Variants in SLC8A1 observed in about 807,000 individuals in gnomAD.
The protein encoded by SLC8A1 is solute carrier family 8 member A1.
SLC8A1 carries 18 observed loss-of-function variants against 68.3 expected under a neutral mutation model. The ratio of observed to expected loss-of-function variants is 0.26; its 90% CI spans 0.18 to 0.39. SLC8A1 has a LOEUF of 0.39. Among genes scored for constraint, SLC8A1 ranks in the 10% least tolerant of loss-of-function variants. The probability of loss-of-function intolerance (pLI) is 1.00; values close to 1 mark genes in which losing one functional copy is unlikely to be tolerated. For synonymous variants in SLC8A1, 475 were observed against 415.5 expected, an observed-to-expected ratio of 1.14 and a Z score of -1.74; for missense variants, 985 against 1,156.7, an observed-to-expected ratio of 0.85 and a Z score of 2.15.
intron 2 of SLC8A1, among the ~76,000 whole-genome samples, chr2:40,344,805 C>T (rs1254769566): frequency 2.0e-5 from 3 of 152,132 alleles, no homozygotes; most frequent in African/African-American, 7.2e-5. Flanking sequence ...TCTGAATTCC[C>T]AGACTAATCT....
intron 2 of SLC8A1, among the ~76,000 whole-genome samples, chr2:40,324,249 T>C (rs1013351778): frequency 2.6e-5 from 4 of 152,120 alleles, no homozygotes; most frequent in Non-Finnish European, 4.4e-5. Flanking sequence ...GTAGCATGAA[T>C]TGATACTCTA....
At chr2:40,449,670 A>C (rs558464589) in intron 1 of SLC8A1, among the ~76,000 whole-genome samples, 46 of 134,172 alleles carry the variant, frequency 3.4e-4, no homozygotes, top group Middle Eastern at 3.5e-3. Context: ...CTATATAATA[A>C]TATTAAAGTA....
At chr2:40,256,700 T>A (rs921081630) in intron 2 of SLC8A1, among the ~76,000 whole-genome samples, 8 of 151,648 alleles carry the variant, frequency 5.3e-5, no homozygotes, top group African/African-American at 1.7e-4. Flanking sequence ...GAAAAAAAAA[T>A]GTCTTTAGAG....
chr2:40,400,569 C>A (rs1045994545), intron 2 of SLC8A1, among the ~76,000 whole-genome samples: 1 of 152,038 alleles, frequency 6.6e-6, no homozygotes, highest in African/African-American at 2.4e-5. Context: ...TTTCATGGAT[C>A]ACATGAGGAG....
intron 2 of SLC8A1, among the ~76,000 whole-genome samples, chr2:40,206,773 A>T (rs1411218258): frequency 6.6e-6 from 1 of 152,034 alleles, no homozygotes; most frequent in African/African-American, 2.4e-5. Flanking sequence ...GAAGAATCAG[A>T]TATGTTTCTG....
chr2:40,420,249 C>A (rs944914308), intron 2 of SLC8A1, among the ~76,000 whole-genome samples: 1 of 151,924 alleles, frequency 6.6e-6, no homozygotes, highest in Non-Finnish European at 1.5e-5. Context: ...TATTAACCAC[C>A]TCCAGGGTCA....
chr2:40,454,886 G>A (rs1159455956), upstream of SLC8A1, among the ~76,000 whole-genome samples: 1 of 152,242 alleles, frequency 6.6e-6, no homozygotes, highest in Non-Finnish European at 1.5e-5. Context: ...AAAGGAAAAA[G>A]TGAGGCTGCT....
intron 1 of SLC8A1, among the ~76,000 whole-genome samples, chr2:40,442,273 A>AG (rs1700637420): frequency 6.6e-6 from 1 of 151,112 alleles, no homozygotes; most frequent in African/African-American, 2.4e-5. Context: ...CAAAAAAAAA[A>AG]GAAAAAAGAA....
intron 2 of SLC8A1, among the ~76,000 whole-genome samples, chr2:40,339,738 G>T (rs1378218844): frequency 2.0e-5 from 3 of 152,210 alleles, no homozygotes; most frequent in Non-Finnish European, 4.4e-5. Flanking sequence ...AAGGGAGTAT[G>T]AGTTGGGCAT....
intron 2 of SLC8A1, chr2:40,213,190 T>C (rs889250607): frequency 6.6e-6 from 1 of 152,160 alleles, no homozygotes; most frequent in Non-Finnish European, 1.5e-5. Flanking sequence ...CTGTTCCCAG[T>C]GATATGAGTA....
At chr2:40,118,809 G>A (rs1244418489) in intron 7 of SLC8A1, among the ~76,000 whole-genome samples, 1 of 151,732 alleles carries the variant, frequency 6.6e-6, no homozygotes, top group Non-Finnish European at 1.5e-5. Flanking sequence ...CAGTTGCGGG[G>A]GTGGTAATTC....
At chr2:40,352,370 C>A (rs1299634112) in intron 2 of SLC8A1, among the ~76,000 whole-genome samples, 1 of 152,102 alleles carries the variant, frequency 6.6e-6, no homozygotes, top group Non-Finnish European at 1.5e-5. Flanking sequence ...TGATTTCAAC[C>A]AATGTCTCAA....
intron 2 of SLC8A1, among the ~76,000 whole-genome samples, chr2:40,312,953 C>T (rs1456492511): frequency 1.3e-5 from 2 of 151,954 alleles, no homozygotes; most frequent in Non-Finnish European, 2.9e-5. Flanking sequence ...GAAATACATA[C>T]ACACATATGT....
At chr2:40,375,015 G>T (rs576165144) in intron 2 of SLC8A1, among the ~76,000 whole-genome samples, 1 of 152,098 alleles carries the variant, frequency 6.6e-6, no homozygotes, top group African/African-American at 2.4e-5. Flanking sequence ...TCCATGGAGA[G>T]CTCTCTACCT....
chr2:40,464,102 C>G (rs1386366128), intron 1 of SLC8A1, among the ~76,000 whole-genome samples: 1 of 152,062 alleles, frequency 6.6e-6, no homozygotes, highest in African/African-American at 2.4e-5. Context: ...ACCATATTGA[C>G]TAGGCTGGTC....
exon 6 of SLC8A1, chr2:40,160,847 G>A (rs762840938): frequency 1.2e-6 from 2 of 1,612,840 alleles, no homozygotes; most frequent in Non-Finnish European, 8.5e-7. Context: ...TCTTCTTAAT[G>A]AGTTTGTCCA....
intron 2 of SLC8A1, among the ~76,000 whole-genome samples, chr2:40,258,315 G>A (rs1477729397): frequency 6.6e-6 from 1 of 152,200 alleles, no homozygotes; most frequent in Non-Finnish European, 1.5e-5. Flanking sequence ...CATGCCAAGA[G>A]CAAGAACAAA....
chr2:40,178,612 CT>C, intron 2 of SLC8A1, 119 bp from the exon 3 acceptor site: 1 of 802,418 alleles, frequency 1.2e-6, no homozygotes. Flanking sequence ...AATCGAGAAA[CT>C]TCTGTACTGT....
intron 1 of SLC8A1, among the ~76,000 whole-genome samples, chr2:40,476,400 G>A (rs753035076): frequency 6.6e-6 from 1 of 152,184 alleles, no homozygotes; most frequent in African/African-American, 2.4e-5. Context: ...TTAGCCTTCA[G>A]CTGGGAAAGA....
Sources: allele counts gnomAD v4.1 joint callset (sites outside exome capture counted in the v4.1 genomes callset), GRCh38; gene constraint gnomAD v4.1.1; transcripts MANE v1.5; gene names NCBI Gene and HGNC (gene_info 2026-07-23, HGNC 2026-07-21).